The following DDX49 variants were observed in gnomAD, a reference collection of about 807,000 sequenced individuals.
DDX49 encodes the protein probable ATP-dependent RNA helicase DDX49.
DDX49 carries 50 observed loss-of-function variants against 56.3 expected under a neutral mutation model. The observed-to-expected ratio is 0.89, with a 90% CI of 0.71 to 1.12. The LOEUF is 1.12. Ranked by LOEUF, DDX49 falls within the 50% of genes most tolerant of loss-of-function variation. The pLI is 0.00. For missense variants in DDX49, 614 were observed against 650.5 expected (o/e 0.94, Z 0.61); for synonymous variants, 269 against 270.6 (o/e 0.99, Z 0.06).
intron 1 of DDX49, 52 bp downstream of exon 1, chr19:18,919,908 C>T: frequency 7.3e-7 from 1 of 1,361,210 alleles, no homozygotes. Context: ...CCTCTCGACT[C>T]CTTTCCCTTC....
At chr19:18,926,252 C>A in intron 9 of DDX49, 51 bp from the exon 10 acceptor site, 1 of 1,537,732 alleles carries the variant, frequency 6.5e-7, no homozygotes, top group Non-Finnish European at 8.8e-7. Flanking sequence ...CCTTTATTCG[C>A]CCCATGTCCT....
Position 18,920,620 on chromosome 19 carries a change from G to T in DDX49, c.156G>T (p.Lys52Asn). Reference sequence around the variant, plus strand: ...GCTGTGCTAAGACAGGCAGTGGGAAGACAGCAGCGTTTGTCCTTCCCATCT... The same window carrying T: ...GCTGTGCTAAGACAGGCAGTGGGAATACAGCAGCGTTTGTCCTTCCCATCT... ...CLGCAKTGSG[K>N]TAAFVLPILQ... Residue 52 changes from lysine (K) to asparagine (N), a missense_variant, in exon 2 of 13, where the codon AAG becomes AAT. Physicochemically the swap from Lys to Asn is moderately conservative, Grantham distance 94. Coordinates refer to ENST00000247003, the MANE Select transcript of DDX49 (RefSeq NM_019070.5). 1 of 1,611,354 alleles carries T rather than the reference G, an allele frequency of 6.2e-7. No individual in the cohort carries two copies. The highest frequency in any genetic ancestry group is 8.5e-7 in the Non-Finnish European group (1 of 1,177,652).
At position 18,921,873 on chromosome 19, in the gene DDX49, G is replaced by A. The variant is rs376166380; in HGVS notation, c.356G>A (p.Arg119Gln). The change falls in exon 4 of 13, where the codon CGG becomes CAG. Residue 119 changes from arginine (R) to glutamine (Q), a missense_variant. Coordinates refer to ENST00000247003, the MANE Select transcript of DDX49 (RefSeq NM_019070.5). ...GTGGCCCAGGCGCTGGAGCTCTCTC[G>A]GAAACCACACGTGGTCATCGCCACG... is the stretch of plus-strand genomic sequence containing the variant. ...DMVAQALELSRKPHVVIATPG... is the reference protein window; with the variant it reads ...DMVAQALELSQKPHVVIATPG... The A allele has an allele frequency of 2.2e-5, 35 of 1,613,848 alleles. No homozygotes were observed. The highest frequency in any genetic ancestry group is 1.3e-4 in the East Asian group (6 of 44,894).
chr19:18,921,152 A>AAAAG (rs956558539), intron 2 of DDX49, among the ~76,000 whole-genome samples: 2 of 152,026 alleles, frequency 1.3e-5, no homozygotes, highest in African/African-American at 2.4e-5. Flanking sequence ...AAAAAAAAAA[A>AAAAG]AAAGAAAGAA....
intron 6 of DDX49, among the ~76,000 whole-genome samples, chr19:18,923,809 C>CT (rs1214454256): frequency 0.045 from 5,871 of 130,128 alleles, 217 homozygotes; most frequent in Non-Finnish European, 0.046. Flanking sequence ...CATCCTGCCT[C>CT]TTTTTTTTTT....
In DDX49 at chr19:18,921,653, A is replaced by T. The variant is rs1350863950; in HGVS notation, c.240-10A>T. On this transcript the variant is annotated splice_polypyrimidine_tract_variant and intron_variant, in intron 2 of 12. Transcript: ENST00000247003. ...CTACCTGACCCAGCCTGGCCCCTTC[A>T]CACCCACAGGGAGCTGGCCTACCAG... 1 of 1,613,864 alleles carries T rather than the reference A, an allele frequency of 6.2e-7. No individual in the cohort carries two copies. The highest frequency in any genetic ancestry group is 1.7e-5 in the Admixed American group (1 of 60,026).
Position 18,922,471 on chromosome 19 carries a change from G to T in DDX49, c.593G>T (p.Gly198Val), listed in dbSNP as rs765813700. Residue 198 changes from glycine (G) to valine (V), a missense_variant, in exon 5 of 13, where the codon GGT becomes GTT. Gly to Val is a moderately radical substitution (Grantham distance 109, BLOSUM62 -3). Coordinates refer to ENST00000247003, the MANE Select transcript of DDX49 (RefSeq NM_019070.5). Reference sequence around the variant, plus strand: ...ACCGACACACTCCGGGAGCTGCAGGGTCTGGCCACCAACCAGCCCTTCTTC... The same window carrying T: ...ACCGACACACTCCGGGAGCTGCAGGTTCTGGCCACCAACCAGCCCTTCTTC... The part of the protein sequence containing the change: ...TLTDTLRELQ[G>V]LATNQPFFWE... 1.9e-6 allele frequency: 3 copies of T among 1,602,006 alleles called. No individual in the cohort carries two copies. The South Asian group carries it at 3.3e-5, about 18-fold the overall frequency.
At position 18,928,521 on chromosome 19, in the gene DDX49, T is replaced by G; in HGVS notation, c.*205T>G. On this transcript the variant is annotated 3_prime_UTR_variant, in exon 13 of 13. Coordinates refer to ENST00000247003, the MANE Select transcript of DDX49 (RefSeq NM_019070.5). ...CCTGAGCCCTGGCCAAGATTCAGGC[T>G]GCAGGGGAAGAAAGAACATGACCGG... 1.7e-6 allele frequency: 1 copy of G among 572,582 alleles called. No homozygotes were observed. Among genetic ancestry groups the G allele is most frequent in the Non-Finnish European group, 3.0e-6 (1 of 333,310 alleles). The allele number at this position is 572,582 out of a possible 1,614,324, so 35.5% of individuals were successfully genotyped here.
chr19:18,921,980 C>T lies in DDX49; in HGVS notation c.447+16C>T, dbSNP rs1262546867. ...CCGCTTCCTGGTGAGTTCGCCCCGC[C>T]CCTGCAGACCTCAGGAGCTGGGCTC... On this transcript the variant is annotated intron_variant, in intron 4 of 12. Transcript: ENST00000247003. 11 of 1,596,480 alleles carry T rather than the reference C, an allele frequency of 6.9e-6. No individual in the cohort carries two copies. The highest frequency in any genetic ancestry group is 9.4e-6 in the Non-Finnish European group (11 of 1,169,056).
Position 18,927,232 on chromosome 19 carries a change from C to CAAAAAATATAG in DDX49, c.1103-530_1103-520dup, listed in dbSNP as rs914792316. Among the ~76,000 whole-genome samples the CAAAAAATATAG allele has an allele frequency of 9.9e-5, 15 of 152,096 alleles. No individual in the cohort carries two copies. In the Middle Eastern group the frequency reaches 0.01, roughly 103 times the overall value. ...GCAATGTGGAGAAACCCTGCCTCTC[C>CAAAAAATATAG]AAAAAATATAGAAACTAGCAGCACA... On this transcript the variant is annotated intron_variant, in intron 10 of 12. Coordinates refer to ENST00000247003, the MANE Select transcript of DDX49 (RefSeq NM_019070.5).
rs557256210 is a variant in DDX49 at position 18,921,977 on chromosome 19, C to T, written c.447+13C>T. ...GATCCGCTTCCTGGTGAGTTCGCCC[C>T]GCCCCTGCAGACCTCAGGAGCTGGG... On this transcript the variant is annotated intron_variant, in intron 4 of 12. Coordinates refer to ENST00000247003, the MANE Select transcript of DDX49 (RefSeq NM_019070.5). The T allele has an allele frequency of 1.9e-5, 30 of 1,600,042 alleles. No homozygotes were observed. In the South Asian group the frequency reaches 1.9e-4, roughly 10 times the overall value.
intron 2 of DDX49, 191 bp downstream of exon 2, chr19:18,920,894 A>G (rs774867961): frequency 9.0e-6 from 4 of 446,084 alleles, no homozygotes; most frequent in Non-Finnish European, 1.6e-5. Flanking sequence ...TAATCCCAGC[A>G]CTTTGGGAGC....
At position 18,920,627 on chromosome 19, in the gene DDX49, G is replaced by A. The variant is rs1299975096; in HGVS notation, c.163G>A (p.Ala55Thr). 1.2e-6 allele frequency: 2 copies of A among 1,611,714 alleles called. No individual in the cohort carries two copies. The change falls in exon 2 of 13, where the codon GCG (alanine) becomes ACG (threonine). Residue 55 changes from alanine to threonine, a missense_variant. Physicochemically the swap from Ala to Thr is moderately conservative, Grantham distance 58 (BLOSUM62 0). Coordinates refer to ENST00000247003, the MANE Select transcript of DDX49 (RefSeq NM_019070.5). ...TAAGACAGGCAGTGGGAAGACAGCAGCGTTTGTCCTTCCCATCTTGCAGAA... is the reference window on the plus strand; with the variant it reads ...TAAGACAGGCAGTGGGAAGACAGCAACGTTTGTCCTTCCCATCTTGCAGAA... ...CAKTGSGKTA[A>T]FVLPILQKLS... is the part of the protein sequence containing the mutation.
intron 6 of DDX49, 88 bp downstream of exon 6, chr19:18,922,832 A>G: frequency 1.3e-6 from 2 of 1,497,536 alleles, no homozygotes; most frequent in Non-Finnish European, 1.8e-6. Context: ...AGCCAGTCTC[A>G]GCACTCCCCA....
At chr19:18,927,124 G>C (rs925203017) in intron 10 of DDX49, among the ~76,000 whole-genome samples, 2 of 145,004 alleles carry the variant, frequency 1.4e-5, no homozygotes, top group Non-Finnish European at 3.0e-5. Context: ...GGCCGGGCAC[G>C]GTGGCTCACA....
At chr19:18,925,321 C>T (rs1247481298) in intron 9 of DDX49, 4 of 219,972 alleles carry the variant, frequency 1.8e-5, no homozygotes, top group African/African-American at 2.3e-5. Flanking sequence ...TTTGGGAGGC[C>T]GAGGTGGGTG....
rs763506848 is a variant in DDX49 at position 18,922,635 on chromosome 19, T to C, written c.667T>C (p.Tyr223His). 5.6e-6 allele frequency: 9 copies of C among 1,613,752 alleles called. No homozygotes were observed. Among genetic ancestry groups the C allele is most frequent in the Non-Finnish European group, 7.6e-6 (9 of 1,179,986 alleles). ...CACCGTGGAGCAGCTGGACCAGCGC[T>C]ACCTGCTGGTGCCTGAGAAGGTCAA... is the stretch of plus-strand genomic sequence containing the variant. The part of the protein sequence containing the change: ...VSTVEQLDQR[Y>H]LLVPEKVKDA... Residue 223 changes from tyrosine (Y) to histidine (H), a missense_variant, in exon 6 of 13, where the codon TAC becomes CAC. Tyr to His is a moderately conservative substitution (Grantham distance 83). Transcript: ENST00000247003.
rs563462538 is a variant in DDX49 at position 18,922,170 on chromosome 19, T to C, written c.448-156T>C. The C allele has an allele frequency of 6.0e-4, 706 of 1,176,260 alleles. 8 individuals carry two copies. The highest frequency in any genetic ancestry group is 5.2e-3 in the South Asian group (349 of 67,484). The allele number at this position is 1,176,260 out of a possible 1,614,324, so 72.9% of individuals were successfully genotyped here. A position where few individuals can be genotyped will look rare whatever the true frequency, so the allele number is the denominator to read the frequency against. ...GCAATGTTATTCGGGGGTAGGGCCT[T>C]GCTGAGACTTGGGTGAGGGGCAGGC... On this transcript the variant is annotated intron_variant, in intron 4 of 12. Transcript: ENST00000247003.
At position 18,924,894 on chromosome 19, in the gene DDX49, C is replaced by A; in HGVS notation, c.942C>A (p.Ile314=). The part of the protein sequence containing the change: ...ATDVASRGLD[I]PTVQVVINHN... ...CCTCTGCCTCCAGGGGCCTGGACAT[C>A]CCTACGGTACAGGTGGTCATCAACC... Residue 314 remains isoleucine, a synonymous_variant, in exon 9 of 13, where the codon ATC becomes ATA. Transcript: ENST00000247003. 4 of 1,613,036 alleles carry A rather than the reference C, an allele frequency of 2.5e-6. No individual in the cohort carries two copies. In the Middle Eastern group the frequency reaches 5.0e-4, roughly 200 times the overall value.
Sources: gnomAD v4.1 joint callset for allele counts (sites outside exome capture counted in the v4.1 genomes callset) on GRCh38, gnomAD v4.1.1 for gene constraint, MANE v1.5 for transcripts, NCBI Gene and HGNC (gene_info 2026-07-23, HGNC 2026-07-21) for gene names.